The following CNKSR3 variants were observed in gnomAD, a reference collection of about 807,000 sequenced individuals.
CNKSR3 encodes the protein connector enhancer of kinase suppressor of ras 3.
In CNKSR3, 36 loss-of-function variants were observed where a neutral mutation model predicts 67.7. The ratio of observed to expected loss-of-function variants is 0.53; its 90% CI spans 0.41 to 0.70. The LOEUF is 0.70. Ranked by LOEUF, CNKSR3 falls within the 30% of genes least tolerant of loss-of-function variation. The probability of loss-of-function intolerance (pLI) is 0.00; values close to 1 mark genes in which losing one functional copy is unlikely to be tolerated. For missense variants in CNKSR3, 630 were observed against 695.2 expected, an observed-to-expected ratio of 0.91 and a Z score of 1.05; for synonymous variants, 281 against 271.4, an observed-to-expected ratio of 1.04 and a Z score of -0.35.
Position 154,510,164 on chromosome 6 carries a change from T to C in CNKSR3, c.-50A>G, listed in dbSNP as rs769718201. 5.6e-6 allele frequency: 9 copies of C among 1,608,078 alleles called. No homozygotes were observed. In the Middle Eastern group the frequency reaches 5.0e-4, roughly 89 times the overall value. ...GGCTGGAGAGTCGCAGATAAAGTGC[T>C]GCTGCCTGCGCTCCGGTGCCCCTTC... On this transcript the variant is annotated 5_prime_UTR_variant, in exon 1 of 13. Coordinates refer to ENST00000607772, the MANE Select transcript of CNKSR3 (RefSeq NM_173515.4).
chr6:154,427,091 C>T lies in CNKSR3; in HGVS notation c.729+1037G>A, dbSNP rs376029472. ...CTCTCAGGGCTTCCTCGCTGCAGCTCAACAGAGAATCCTGAAACACACTAC... is the reference window on the plus strand; with the variant it reads ...CTCTCAGGGCTTCCTCGCTGCAGCTTAACAGAGAATCCTGAAACACACTAC... On this transcript the variant is annotated intron_variant, in intron 7 of 12. Transcript: ENST00000607772. Among the ~76,000 whole-genome samples, 3 of 152,296 alleles carry T rather than the reference C, an allele frequency of 2.0e-5. No individual in the cohort carries two copies. In the South Asian group the frequency reaches 6.2e-4, roughly 32 times the overall value.
intron 2 of CNKSR3, among the ~76,000 whole-genome samples, chr6:154,444,322 CATG>C (rs546775207): frequency 1.2e-3 from 180 of 152,244 alleles, no homozygotes; most frequent in African/African-American, 4.2e-3. Context: ...AGGAAACTGG[CATG>C]ATAACAGTAA....
At chr6:154,444,985 G>A (rs947108102) in intron 2 of CNKSR3, among the ~76,000 whole-genome samples, 1 of 151,742 alleles carries the variant, frequency 6.6e-6, no homozygotes, top group African/African-American at 2.4e-5. Flanking sequence ...GATACATAAA[G>A]CATAAATATA....
intron 1 of CNKSR3, among the ~76,000 whole-genome samples, chr6:154,453,821 T>C (rs1785890443): frequency 6.6e-6 from 1 of 152,224 alleles, no homozygotes; most frequent in African/African-American, 2.4e-5. Context: ...CTTTTACTTA[T>C]TTGTCAGATG....
At chr6:154,452,469 A>C (rs1785857767) in intron 1 of CNKSR3, among the ~76,000 whole-genome samples, 1 of 152,168 alleles carries the variant, frequency 6.6e-6, no homozygotes, top group African/African-American at 2.4e-5. Context: ...ATTACTGTGA[A>C]GTTTACCCAG....
intron 8 of CNKSR3, 46 bp from the exon 9 acceptor site, chr6:154,422,698 GA>G (rs762361337): frequency 4.4e-6 from 7 of 1,594,244 alleles, no homozygotes; most frequent in African/African-American, 4.0e-5. Flanking sequence ...CATGAATAAC[GA>G]AAAAAACCGA....
intron 5 of CNKSR3, among the ~76,000 whole-genome samples, chr6:154,432,557 A>T (rs921302903): frequency 1.3e-5 from 2 of 152,206 alleles, no homozygotes; most frequent in Admixed American, 6.5e-5. Flanking sequence ...TTCATGAATT[A>T]TGCTTTTGGT....
chr6:154,503,818 T>C (rs541938015), intron 1 of CNKSR3, among the ~76,000 whole-genome samples: 3 of 152,228 alleles, frequency 2.0e-5, no homozygotes, highest in African/African-American at 7.2e-5. Flanking sequence ...AGACAAGCCT[T>C]CTCAAATTAA....
intron 1 of CNKSR3, among the ~76,000 whole-genome samples, chr6:154,455,059 AGC>A (rs1785922613): frequency 6.6e-6 from 1 of 151,918 alleles, no homozygotes; most frequent in Non-Finnish European, 1.5e-5. Flanking sequence ...CTGTAATCCC[AGC>A]ACTTTGGGAG....
At chr6:154,406,740 T>A in intron 12 of CNKSR3, 88 bp from the exon 13 acceptor site, 1 of 1,182,724 alleles carries the variant, frequency 8.5e-7, no homozygotes, top group Non-Finnish European at 1.2e-6. Flanking sequence ...GAGGTCGAGG[T>A]GGGTGGATCA....
intron 5 of CNKSR3, 67 bp downstream of exon 5, chr6:154,433,399 T>C (rs1785408492): frequency 1.8e-6 from 2 of 1,090,928 alleles, no homozygotes; most frequent in African/African-American, 1.6e-5. Flanking sequence ...ACAGGGCATT[T>C]ACTTAATGTG....
chr6:154,459,591 T>C (rs935789806), intron 1 of CNKSR3, among the ~76,000 whole-genome samples: 2 of 152,234 alleles, frequency 1.3e-5, no homozygotes, highest in African/African-American at 4.8e-5. Flanking sequence ...ACAGGTGGAA[T>C]GGAAGGACAG....
chr6:154,508,531 T>C (rs113049707), intron 1 of CNKSR3, among the ~76,000 whole-genome samples: 2 of 152,244 alleles, frequency 1.3e-5, no homozygotes, highest in African/African-American at 4.8e-5. Context: ...ACATATCAAC[T>C]CAGTTTCAGG....
intron 2 of CNKSR3, among the ~76,000 whole-genome samples, chr6:154,447,409 CT>C (rs1276619143): frequency 6.6e-6 from 1 of 152,144 alleles, no homozygotes; most frequent in Admixed American, 6.5e-5. Context: ...CAGGTACCCT[CT>C]ACCCAGAGAG....
chr6:154,409,343 C>T (rs1784862323), intron 12 of CNKSR3, among the ~76,000 whole-genome samples: 1 of 152,154 alleles, frequency 6.6e-6, no homozygotes, highest in South Asian at 2.1e-4. Context: ...CAATCAAATG[C>T]AATCTGGCAA....
At chr6:154,450,545 T>C (rs4870286) in intron 1 of CNKSR3, among the ~76,000 whole-genome samples, 147,788 of 152,310 alleles carry the variant, frequency 0.97, 71,733 homozygotes, top group East Asian at 1. Flanking sequence ...TGACTTAAAA[T>C]GCTAATTATC....
Position 154,393,705 on chromosome 6 carries a change from G to T in CNKSR3, c.*12649C>A, listed in dbSNP as rs1395789860. ...TTCTTTTGTACTCAGCCCTTTTACT[G>T]TCTTCTATAAGAAATCTTTCCCTAT... On this transcript the variant is annotated 3_prime_UTR_variant, in exon 13 of 13. Coordinates refer to ENST00000607772, the MANE Select transcript of CNKSR3 (RefSeq NM_173515.4). 3.9e-5 allele frequency: 6 copies of T among 152,048 alleles called. No homozygotes were observed. Among genetic ancestry groups the T allele is most frequent in the Non-Finnish European group, 7.4e-5 (5 of 68,012 alleles). 9.4% of individuals were successfully genotyped at this position (152,048 alleles called of 1,614,324 possible).
chr6:154,430,839 A>G (rs1258003465), intron 5 of CNKSR3, among the ~76,000 whole-genome samples: 1 of 152,122 alleles, frequency 6.6e-6, no homozygotes, highest in Non-Finnish European at 1.5e-5. Flanking sequence ...ACTGAAGAGC[A>G]CAGGCCAGGC....
chr6:154,395,517 T>C lies in CNKSR3; in HGVS notation c.*10837A>G, dbSNP rs1054109464. The C allele has an allele frequency of 1.3e-5, 2 of 152,218 alleles. No individual in the cohort carries two copies. Among genetic ancestry groups the C allele is most frequent in the African/African-American group, 4.8e-5 (2 of 41,448 alleles). 9.4% of individuals were successfully genotyped at this position (152,218 alleles called of 1,614,324 possible). Reference sequence around the variant, plus strand: ...CAGAATTTCCACTTGTTTTCTTTCATCAACAAAGTAGAACATCACAGACTC... The same window carrying C: ...CAGAATTTCCACTTGTTTTCTTTCACCAACAAAGTAGAACATCACAGACTC... On this transcript the variant is annotated 3_prime_UTR_variant, in exon 13 of 13. Transcript: ENST00000607772.
Sources: allele counts gnomAD v4.1 joint callset (sites outside exome capture counted in the v4.1 genomes callset), GRCh38; gene constraint gnomAD v4.1.1; transcripts MANE v1.5; gene names NCBI Gene and HGNC (gene_info 2026-07-23, HGNC 2026-07-21).